The following TEK variants were observed in gnomAD, a reference collection of about 807,000 sequenced individuals.
TEK encodes angiopoietin-1 receptor.
Under a neutral mutation model 131.8 loss-of-function variants are expected in TEK, and 43 were observed. The observed-to-expected ratio is 0.33, with a 90% confidence interval of 0.26 to 0.42. The LOEUF (loss-of-function observed/expected upper bound fraction) is 0.42, where lower values mean the gene tolerates loss of function less well. TEK is among the 10% of genes least tolerant of loss of function. TEK has a pLI of 1.00. For synonymous variants in TEK, 580 were observed against 491.6 expected (o/e 1.18, Z -2.38); for missense variants, 1,162 against 1,384.4 (o/e 0.84, Z 2.55).
chr9:27,152,547 A>C (rs1823164977), intron 1 of TEK, among the ~76,000 whole-genome samples: 1 of 151,850 alleles, frequency 6.6e-6, no homozygotes, highest in Non-Finnish European at 1.5e-5. Flanking sequence ...TTATGTTTTT[A>C]ATTAAGCAAA....
chr9:27,206,539 T>C (rs769337928), intron 14 of TEK, 43 bp from the exon 15 acceptor site: 24 of 1,586,758 alleles, frequency 1.5e-5, no homozygotes, highest in South Asian at 2.3e-5. Flanking sequence ...CTTAGAATTA[T>C]GAAAAATCCT....
chr9:27,157,006 A>G (rs946341201), intron 1 of TEK, among the ~76,000 whole-genome samples: 8 of 152,184 alleles, frequency 5.3e-5, no homozygotes, highest in Admixed American at 1.3e-4. Context: ...GGGGAGAGAG[A>G]GAAAGAAAGA....
At chr9:27,143,354 A>G (rs986598632) in intron 1 of TEK, among the ~76,000 whole-genome samples, 4 of 152,144 alleles carry the variant, frequency 2.6e-5, no homozygotes, top group Admixed American at 2.6e-4. Flanking sequence ...ACTTTCTGCT[A>G]CCTGAACCCA....
chr9:27,158,966 C>T (rs377485912), intron 2 of TEK, among the ~76,000 whole-genome samples: 1 of 152,298 alleles, frequency 6.6e-6, no homozygotes, highest in African/African-American at 2.4e-5. Context: ...GCCAGTGTAT[C>T]AATTTTCTAT....
rs530247095 is a variant in TEK, at chr9:27,225,161, T to C, written c.3201-3045T>C. On this transcript the variant is annotated intron_variant, in intron 21 of 22. Coordinates refer to ENST00000380036, the MANE Select transcript of TEK (RefSeq NM_000459.5). ...TGCTCATGGACAGGAAGAATCAATATTGTGAAAATGGCCACACTGCCCAGT... is the reference window on the plus strand; with the variant it reads ...TGCTCATGGACAGGAAGAATCAATACTGTGAAAATGGCCACACTGCCCAGT... Among the ~76,000 whole-genome samples the C allele has an allele frequency of 1.3e-3, 194 of 152,286 alleles. 1 individual carries two copies. Among genetic ancestry groups the C allele is most frequent in the African/African-American group, 4.4e-3 (181 of 41,564 alleles).
chr9:27,122,092 C>T (rs78088042), intron 1 of TEK, among the ~76,000 whole-genome samples: 4,810 of 152,296 alleles, frequency 0.032, 115 homozygotes, highest in Middle Eastern at 0.058. Context: ...GCAGGCAATG[C>T]CCGTCAGTAG....
At chr9:27,144,886 A>G (rs936283156) in intron 1 of TEK, among the ~76,000 whole-genome samples, 4 of 152,216 alleles carry the variant, frequency 2.6e-5, no homozygotes, top group Non-Finnish European at 5.9e-5. Context: ...TAGGGAGGGA[A>G]AAGAGAATTC....
intron 21 of TEK, among the ~76,000 whole-genome samples, chr9:27,224,405 T>C (rs1338284954): frequency 1.3e-5 from 2 of 152,164 alleles, no homozygotes; most frequent in African/African-American, 4.8e-5. Context: ...AAAAAGCTTA[T>C]CCACCATGAT....
At chr9:27,212,486 G>A (rs1254585781) in intron 16 of TEK, among the ~76,000 whole-genome samples, 3 of 152,088 alleles carry the variant, frequency 2.0e-5, no homozygotes, top group Non-Finnish European at 4.4e-5. Flanking sequence ...ATGGAGAGGG[G>A]GTGGGAAGGA....
intron 1 of TEK, among the ~76,000 whole-genome samples, chr9:27,129,318 C>T (rs1190415771): frequency 6.6e-6 from 1 of 152,130 alleles, no homozygotes; most frequent in Admixed American, 6.6e-5. Flanking sequence ...ATGATTTGTG[C>T]TGTACAGTGT....
chr9:27,167,232 T>G (rs1823764420), intron 2 of TEK, among the ~76,000 whole-genome samples: 1 of 152,106 alleles, frequency 6.6e-6, no homozygotes, highest in Non-Finnish European at 1.5e-5. Flanking sequence ...CTTATTTTAT[T>G]TTATTTTATT....
chr9:27,198,783 T>C (rs1337582596), intron 12 of TEK, among the ~76,000 whole-genome samples: 2 of 152,204 alleles, frequency 1.3e-5, no homozygotes, highest in African/African-American at 4.8e-5. Context: ...TTGTTAAGTA[T>C]ATTTTAATTT....
chr9:27,212,814 A>G lies in TEK; in HGVS notation c.2794A>G (p.Thr932Ala). The G allele has an allele frequency of 1.2e-6, 2 of 1,614,012 alleles. No homozygotes were observed. Among genetic ancestry groups the G allele is most frequent in the South Asian group, 1.1e-5 (1 of 91,086 alleles). Reference protein sequence around the residue: ...TDPAFAIANSTASTLSSQQLL... With the variant: ...TDPAFAIANSAASTLSSQQLL... Reference sequence around the variant, plus strand: ...CCCAGCATTTGCCATTGCCAATAGCACCGCGTCCACACTGTCCTCCCAGCA... The same window carrying G: ...CCCAGCATTTGCCATTGCCAATAGCGCCGCGTCCACACTGTCCTCCCAGCA... The change falls in exon 17 of 23, where the codon ACC becomes GCC. Residue 932 changes from threonine (T) to alanine (A), a missense_variant. Physicochemically the swap from Thr to Ala is moderately conservative, Grantham distance 58 (BLOSUM62 0). Around this residue, in one of 6 missense-constraint regions of TEK, gnomAD observed 107 missense variants for 173.9 expected, o/e 0.62. Transcript: ENST00000380036.
intron 21 of TEK, among the ~76,000 whole-genome samples, chr9:27,227,624 C>CT (rs746559964): frequency 2.0e-5 from 3 of 152,142 alleles, no homozygotes; most frequent in Non-Finnish European, 4.4e-5. Context: ...CAAAAGAGCT[C>CT]TTTGAGGCCT....
At chr9:27,193,830 G>A (rs1824914005) in intron 11 of TEK, among the ~76,000 whole-genome samples, 1 of 152,058 alleles carries the variant, frequency 6.6e-6, no homozygotes, top group Non-Finnish European at 1.5e-5. Context: ...TTAGAGCCAG[G>A]ATCTTGCTCT....
rs1001095512 is a variant in TEK, at chr9:27,222,153, C to T, written c.3200+2008C>T. On this transcript the variant is annotated intron_variant, in intron 21 of 22. Transcript: ENST00000380036. Reference sequence around the variant, plus strand: ...GAAAGGATATCAGATACTGAAGATACACTTAAAGCATGAAGACAAGATTAG... The same window carrying T: ...GAAAGGATATCAGATACTGAAGATATACTTAAAGCATGAAGACAAGATTAG... Among the ~76,000 whole-genome samples, 6 of 152,032 alleles carry T rather than the reference C, an allele frequency of 3.9e-5. No individual in the cohort carries two copies. In the East Asian group the frequency reaches 9.6e-4, roughly 24 times the overall value.
intron 1 of TEK, among the ~76,000 whole-genome samples, chr9:27,148,169 T>A (rs1424850815): frequency 1.3e-5 from 2 of 152,260 alleles, no homozygotes; most frequent in African/African-American, 4.8e-5. Flanking sequence ...CCTGTAAACA[T>A]GTTTTACTAA....
intron 1 of TEK, among the ~76,000 whole-genome samples, chr9:27,140,396 GAAAA>G (rs59569720): frequency 1.8e-3 from 208 of 113,396 alleles, no homozygotes; most frequent in African/African-American, 5.2e-3. Context: ...TAGCAAAAAA[GAAAA>G]AAAAAAAAAA....
At chr9:27,208,990 G>A (rs1825503229) in intron 15 of TEK, 131 bp from the exon 16 acceptor site, 1 of 707,418 alleles carries the variant, frequency 1.4e-6, no homozygotes, top group Non-Finnish European at 2.6e-6. Context: ...CTCTACTTTA[G>A]AGTAATCTCT....
Sources: gnomAD v4.1 joint callset for allele counts (sites outside exome capture counted in the v4.1 genomes callset) on GRCh38, gnomAD v4.1.1 for gene constraint, gnomAD v4.1.1 regional missense constraint, MANE v1.5 for transcripts, NCBI Gene and HGNC (gene_info 2026-07-23, HGNC 2026-07-21) for gene names.